The following IGF2R variants were observed in gnomAD, a reference collection of about 807,000 sequenced individuals.
IGF2R encodes insulin like growth factor 2 receptor, also known as cation-independent mannose-6-phosphate receptor.
IGF2R carries 91 observed loss-of-function variants against 270.6 expected under a neutral mutation model. That is an observed-to-expected ratio of 0.34 (90% CI 0.28 to 0.40). The LOEUF is 0.40. IGF2R is among the 10% of genes least tolerant of loss of function. The pLI is 1.00. For synonymous variants in IGF2R, 1,316 were observed against 1,258.9 expected, an observed-to-expected ratio of 1.05 and a Z score of -0.96; for missense variants, 2,805 against 3,188.3, an observed-to-expected ratio of 0.88 and a Z score of 2.90.
chr6:160,077,169 T>C (rs992014852), intron 36 of IGF2R, among the ~76,000 whole-genome samples: 2 of 152,192 alleles, frequency 1.3e-5, no homozygotes, highest in African/African-American at 4.8e-5. Flanking sequence ...TCATGAATCT[T>C]AGAGTGTAGT....
At position 160,058,936 on chromosome 6, in the gene IGF2R, G is replaced by T; in HGVS notation, c.2929G>T (p.Gly977Trp). The T allele has an allele frequency of 6.2e-7, 1 of 1,614,176 alleles. No homozygotes were observed. Among genetic ancestry groups the T allele is most frequent in the South Asian group, 1.1e-5 (1 of 91,076 alleles). ...TGTCTGCGGCACAATGCCTGTCTGT[G>T]GGACCATCCTGGGAAAACCTGCTTC... ...FNVCGTMPVC[G>W]TILGKPASGC... Residue 977 changes from glycine (G) to tryptophan (W), a missense_variant, in exon 22 of 48, where the codon GGG (glycine) becomes TGG (tryptophan). This residue lies in a region of IGF2R where 1,851 missense variants were observed against 2,207.2 expected (regional missense o/e 0.84). Transcript: ENST00000356956.
chr6:160,038,504 C>T (rs922873685), intron 10 of IGF2R, among the ~76,000 whole-genome samples: 4 of 152,114 alleles, frequency 2.6e-5, no homozygotes, highest in African/African-American at 4.8e-5. Context: ...AGTACTAGGA[C>T]GATTTGTAGT....
intron 45 of IGF2R, among the ~76,000 whole-genome samples, chr6:160,097,994 T>C (rs1779404077): frequency 6.6e-6 from 1 of 152,184 alleles, no homozygotes; most frequent in African/African-American, 2.4e-5. Flanking sequence ...GTGACGTCAT[T>C]ACAAAATGAA....
In IGF2R at chr6:160,064,548, G is replaced by A. The variant is rs1402720258; in HGVS notation, c.4017+17G>A. ...ACCCAGCGGGTGAGCATGTACCGAC[G>A]GCCCTCAGCGGGGTCTTCTCCCCAC... On this transcript the variant is annotated intron_variant, in intron 28 of 47. Transcript: ENST00000356956. 8 of 1,613,100 alleles carry A rather than the reference G, an allele frequency of 5.0e-6. No homozygotes were observed. The highest frequency in any genetic ancestry group is 1.7e-4 in the Middle Eastern group (1 of 5,988).
At chr6:160,094,261 C>A in intron 44 of IGF2R, 1 of 309,690 alleles carries the variant, frequency 3.2e-6, no homozygotes, top group East Asian at 8.0e-5. Context: ...TTCCTCTGTT[C>A]TGCTGCTGAA....
chr6:160,004,907 C>T lies in IGF2R; in HGVS notation c.290-4103C>T, dbSNP rs1276265546. ...GGAGGAAAGGTCAAACCTGTCTCCCCAAGCTGGCGGCTGGGTCGGGTTTTA... is the reference window on the plus strand; with the variant it reads ...GGAGGAAAGGTCAAACCTGTCTCCCTAAGCTGGCGGCTGGGTCGGGTTTTA... On this transcript the variant is annotated intron_variant, in intron 2 of 47. Transcript: ENST00000356956. This position sits in a 1 kb window ranked among gnomAD's most constrained non-coding sequence, Gnocchi z 5.2. 2.6e-5 allele frequency: 4 copies of T among 152,206 alleles called. No individual in the cohort carries two copies. Among genetic ancestry groups the T allele is most frequent in the African/African-American group, 9.7e-5 (4 of 41,424 alleles). The allele number at this position is 152,206 out of a possible 1,614,324, so 9.4% of individuals were successfully genotyped here.
chr6:160,098,056 A>G (rs573654220), intron 45 of IGF2R, among the ~76,000 whole-genome samples: 1 of 152,210 alleles, frequency 6.6e-6, no homozygotes, highest in Non-Finnish European at 1.5e-5. Flanking sequence ...GAATTTTTAT[A>G]AAAGATAAAA....
rs748657450 is a variant in IGF2R, at chr6:159,990,120, TTTTTAATAAA to T, written c.150-1063_150-1054del. On this transcript the variant is annotated intron_variant, in intron 1 of 47. Transcript: ENST00000356956. Reference sequence around the variant, plus strand: ...AGCTGCCTTTCATGCCATAGCTAGTTTTTTAATAAAATAGAGTTAAAAAATCCTTTGGCTT... The same window carrying T: ...AGCTGCCTTTCATGCCATAGCTAGTTATAGAGTTAAAAAATCCTTTGGCTT... 7.0e-4 allele frequency among the ~76,000 whole-genome samples: 107 copies of T among 152,354 alleles called. 1 individual carries two copies. Among genetic ancestry groups the T allele is most frequent in the Non-Finnish European group, 1.3e-3 (91 of 68,040 alleles).
At position 160,084,470 on chromosome 6, in the gene IGF2R, G is replaced by A. The variant is rs1249183276; in HGVS notation, c.6068+286G>A. On this transcript the variant is annotated intron_variant, in intron 40 of 47. Transcript: ENST00000356956. The surrounding 1 kb of genome is among the most constrained non-coding windows in gnomAD (Gnocchi z 4.6). Reference sequence around the variant, plus strand: ...CTGAGTTAGGCTGGGTTTGATTTGCGTTTGTGTGTAGCTCAGGTTGTGGGA... The same window carrying A: ...CTGAGTTAGGCTGGGTTTGATTTGCATTTGTGTGTAGCTCAGGTTGTGGGA... 2.6e-5 allele frequency among the ~76,000 whole-genome samples: 4 copies of A among 152,164 alleles called. No individual in the cohort carries two copies. The highest frequency in any genetic ancestry group is 5.9e-5 in the Non-Finnish European group (4 of 68,034).
chr6:159,979,115 A>G (rs7750288), intron 1 of IGF2R, among the ~76,000 whole-genome samples: 34,912 of 152,116 alleles, frequency 0.23, 4,557 homozygotes, highest in Non-Finnish European at 0.28. Flanking sequence ...CACCTTCTTC[A>G]TGCCTGCTGT....
intron 1 of IGF2R, among the ~76,000 whole-genome samples, chr6:159,975,314 G>A (rs769819404): frequency 2.0e-5 from 3 of 152,178 alleles, no homozygotes; most frequent in Non-Finnish European, 4.4e-5. Flanking sequence ...AGATGTTTAG[G>A]GCGAGGTATT....
At chr6:160,098,519 G>T (rs1311060564) in intron 45 of IGF2R, among the ~76,000 whole-genome samples, 1 of 152,074 alleles carries the variant, frequency 6.6e-6, no homozygotes, top group African/African-American at 2.4e-5. Flanking sequence ...GTTGTACATT[G>T]TAGAATCATG....
intron 32 of IGF2R, among the ~76,000 whole-genome samples, 193 bp from the exon 33 acceptor site, chr6:160,072,572 A>C (rs1432765504): frequency 6.6e-6 from 1 of 152,158 alleles, no homozygotes; most frequent in Non-Finnish European, 1.5e-5. Flanking sequence ...TAAGGATGGG[A>C]CATCTCATGG....
chr6:160,074,279 A>G (rs931649600), intron 35 of IGF2R, among the ~76,000 whole-genome samples: 14 of 152,270 alleles, frequency 9.2e-5, no homozygotes, highest in African/African-American at 2.7e-4. Flanking sequence ...GTGAAGTGAC[A>G]GGAAAGCACA....
At chr6:160,083,061 G>A (rs1243086269) in intron 39 of IGF2R, among the ~76,000 whole-genome samples, 2 of 152,216 alleles carry the variant, frequency 1.3e-5, no homozygotes, top group East Asian at 3.8e-4. Context: ...ACCTGCACCG[G>A]CATCGGCCTC....
intron 1 of IGF2R, among the ~76,000 whole-genome samples, chr6:159,990,523 C>T (rs1490097822): frequency 6.6e-6 from 1 of 152,216 alleles, no homozygotes; most frequent in East Asian, 1.9e-4. Flanking sequence ...AATTAAACCT[C>T]TTTCCTTTAT....
Position 160,079,775 on chromosome 6 carries a change from C to T in IGF2R, c.5674C>T (p.Arg1892Cys), listed in dbSNP as rs774924314. Residue 1892 changes from arginine (R) to cysteine (C), a missense_variant, in exon 38 of 48, where the codon CGT becomes TGT. Physicochemically the swap from Arg to Cys is radical, Grantham distance 180. This residue lies in a region of IGF2R where 1,851 missense variants were observed against 2,207.2 expected (regional missense o/e 0.84). Coordinates refer to ENST00000356956, the MANE Select transcript of IGF2R (RefSeq NM_000876.4). ...CGTTTTAAGTTACGTGAATGGTGAT[C>T]GTTGCCCTCCAGGTAAATATTTGCA... The part of the protein sequence containing the change: ...AVVLSYVNGD[R>C]CPPETDDGVP... The T allele has an allele frequency of 4.1e-6, 6 of 1,447,902 alleles. No homozygotes were observed. Among genetic ancestry groups the T allele is most frequent in the South Asian group, 1.6e-5 (1 of 62,364 alleles). The allele number at this position is 1,447,902 out of a possible 1,614,324, so 89.7% of individuals were successfully genotyped here. A position where few individuals can be genotyped will look rare whatever the true frequency, so the allele number is the denominator to read the frequency against.
intron 14 of IGF2R, 58 bp from the exon 15 acceptor site, chr6:160,046,440 C>A: frequency 1.3e-6 from 2 of 1,516,364 alleles, no homozygotes; most frequent in Non-Finnish European, 8.9e-7. Context: ...GGGGTGAGAC[C>A]ACTCTGTTAA....
chr6:160,061,288 C>T (rs933244900), intron 23 of IGF2R, among the ~76,000 whole-genome samples: 1 of 152,184 alleles, frequency 6.6e-6, no homozygotes, highest in African/African-American at 2.4e-5. Context: ...TGACTACAGG[C>T]GCATGCCACC....
Sources: gnomAD v4.1 joint callset for allele counts (sites outside exome capture counted in the v4.1 genomes callset) on GRCh38, gnomAD v4.1.1 for gene constraint, gnomAD v4.1.1 regional missense constraint, Gnocchi (gnomAD v3.1) non-coding constraint, MANE v1.5 for transcripts, NCBI Gene and HGNC (gene_info 2026-07-23, HGNC 2026-07-21) for gene names.